DHX58: variants seen among roughly 807,000 people sequenced by gnomAD.
DHX58 encodes DExH-box helicase 58, also known as ATP-dependent RNA helicase DHX58.
In DHX58, 51 loss-of-function variants were observed where a neutral mutation model predicts 65.0. The observed-to-expected ratio is 0.78, with a 90% CI of 0.63 to 0.99. The LOEUF (loss-of-function observed/expected upper bound fraction) is 0.99, where lower values mean the gene tolerates loss of function less well. Among genes scored for constraint, DHX58 ranks in the 50% least tolerant of loss-of-function variants. The pLI is 0.00. For synonymous variants in DHX58, 350 were observed against 365.0 expected (o/e 0.96, Z 0.47); for missense variants, 773 against 891.8 (o/e 0.87, Z 1.70).
chr17:42,103,455 A>G, intron 12 of DHX58, 153 bp downstream of exon 12: 1 of 965,434 alleles, frequency 1.0e-6, no homozygotes, highest in Non-Finnish European at 1.5e-6. Flanking sequence ...TGCCTGTAAA[A>G]TGGAGACAGG....
At chr17:42,104,722 C>T in intron 11 of DHX58, 44 bp downstream of exon 11, 1 of 1,604,752 alleles carries the variant, frequency 6.2e-7, no homozygotes, top group African/African-American at 1.3e-5. Flanking sequence ...GAGGGGCTCC[C>T]TCCTCCCCAT....
rs147686786 is a variant in DHX58 at position 42,103,067 on chromosome 17, C to T, written c.1754+541G>A. On this transcript the variant is annotated intron_variant, in intron 12 of 13. Transcript: ENST00000251642. ...CCTCCCAAAGTGTTGGAATTACAGG[C>T]GTGAGCCACTGCACCTGGCCCTCCA... 685 of 156,330 alleles carry T rather than the reference C, an allele frequency of 4.4e-3. 4 individuals carry two copies. Among genetic ancestry groups the T allele is most frequent in the African/African-American group, 0.015 (631 of 41,590 alleles). 9.7% of individuals were successfully genotyped at this position (156,330 alleles called of 1,614,324 possible).
intron 5 of DHX58, among the ~76,000 whole-genome samples, chr17:42,110,085 G>T (rs1346058621): frequency 2.0e-5 from 3 of 151,738 alleles, no homozygotes. Flanking sequence ...TACTCGGGAG[G>T]CTGAGGCAGG....
rs1450785939 is a variant in DHX58, at chr17:42,107,691, C to CGGTGT, written c.909_910insACACC (p.Ala304ThrfsTer102). 1.3e-5 allele frequency: 21 copies of CGGTGT among 1,612,716 alleles called. No homozygotes were observed. The highest frequency in any genetic ancestry group is 6.7e-5 in the Admixed American group (4 of 59,840). On this transcript the variant is annotated frameshift_variant, in exon 8 of 14. Coordinates refer to ENST00000251642, the MANE Select transcript of DHX58 (RefSeq NM_024119.3). LOFTEE classifies it high-confidence loss of function. ...CTGTGATAGAAATCCTGCAGCGCAG[C>CGGTGT]CAAGGCATCCACGGCGCGGACGGTG...
Position 42,111,368 on chromosome 17 carries a change from GCAGGTC to G in DHX58, c.292_297del (p.Asp98_Leu99del). On this transcript the variant is annotated inframe_deletion, in exon 4 of 14. Transcript: ENST00000251642. Reference sequence around the variant, plus strand: ...TGCAGAAGCTCTGCTGTGCAGATGAGCAGGTCATGGCACCGGGCCAGGTGGCCAAAG... The same window carrying G: ...TGCAGAAGCTCTGCTGTGCAGATGAGATGGCACCGGGCCAGGTGGCCAAAG... 1.2e-6 allele frequency: 2 copies of G among 1,614,202 alleles called. No individual in the cohort carries two copies. The highest frequency in any genetic ancestry group is 1.7e-6 in the Non-Finnish European group (2 of 1,180,030).
Position 42,101,758 on chromosome 17 carries a change from T to G in DHX58, c.*3A>C. 6.2e-7 allele frequency: 1 copy of G among 1,613,576 alleles called. No homozygotes were observed. Among genetic ancestry groups the G allele is most frequent in the Non-Finnish European group, 8.5e-7 (1 of 1,179,784 alleles). On this transcript the variant is annotated 3_prime_UTR_variant, in exon 14 of 14. Coordinates refer to ENST00000251642, the MANE Select transcript of DHX58 (RefSeq NM_024119.3). ...CAAACCGGGCACTGCAGCAATGAGG[T>G]GGTCAGTCCAGGGAGAGGTCCGACA...
chr17:42,111,437 C>T lies in DHX58; in HGVS notation c.229G>A (p.Val77Met), dbSNP rs782211318. The T allele has an allele frequency of 3.7e-6, 6 of 1,614,194 alleles. No homozygotes were observed. Among genetic ancestry groups the T allele is most frequent in the East Asian group, 2.2e-5 (1 of 44,892 alleles). The change falls in exon 4 of 14, where the codon GTG becomes ATG. Residue 77 changes from valine to methionine, a missense_variant. Coordinates refer to ENST00000251642, the MANE Select transcript of DHX58 (RefSeq NM_024119.3). Reference sequence around the variant, plus strand: ...CCCATGTCCCCACTCAGGGTTGTCACGGTCCAGCGTCCATCCAGCATGCGC... The same window carrying T: ...CCCATGTCCCCACTCAGGGTTGTCATGGTCCAGCGTCCATCCAGCATGCGC... ...FRRMLDGRWT[V>M]TTLSGDMGPR... is the part of the protein sequence containing the mutation.
At chr17:42,112,237 G>T in intron 1 of DHX58, 32 bp from the exon 2 acceptor site, 1 of 212,478 alleles carries the variant, frequency 4.7e-6, no homozygotes, top group Non-Finnish European at 9.3e-6. Flanking sequence ...GCCGACTTAG[G>T]AATCTCCCAT....
intron 13 of DHX58, 43 bp downstream of exon 13, chr17:42,102,173 G>A: frequency 6.2e-7 from 1 of 1,604,316 alleles, no homozygotes; most frequent in Non-Finnish European, 8.5e-7. Context: ...CTGAAGACTG[G>A]GGCTGAGGAC....
At chr17:42,108,847 A>C (rs2158067) in intron 6 of DHX58, among the ~76,000 whole-genome samples, 30,904 of 152,046 alleles carry the variant, frequency 0.2, 4,606 homozygotes, top group African/African-American at 0.42. Flanking sequence ...CTGCTCACTC[A>C]CTCCCTCCCT....
At chr17:42,107,898 C>T in intron 7 of DHX58, 84 bp downstream of exon 7, 1 of 1,590,006 alleles carries the variant, frequency 6.3e-7, no homozygotes, top group Non-Finnish European at 8.6e-7. Context: ...GGATAGGCCC[C>T]GCCCCAAAGG....
At chr17:42,106,897 A>G (rs1803311163) in intron 8 of DHX58, among the ~76,000 whole-genome samples, 1 of 152,204 alleles carries the variant, frequency 6.6e-6, no homozygotes, top group Admixed American at 6.5e-5. Flanking sequence ...ACCTCAGACC[A>G]GAACCCTCTT....
rs531891551 is a variant in DHX58 at position 42,105,970 on chromosome 17, G to C, written c.1017C>G (p.Ala339=). Residue 339 remains alanine (A), a synonymous_variant, in exon 9 of 14, where the codon GCC becomes GCG. Transcript: ENST00000251642. ...TCTCTGGGCCATGAGTTGCCAAGTG[G>C]GCCAGCTCATTCTTGCGGTCTGTCA... is the stretch of plus-strand genomic sequence containing the variant. The part of the protein sequence containing the change: ...ALFDDRKNEL[A]HLATHGPENP... 1 of 1,613,258 alleles carries C rather than the reference G, an allele frequency of 6.2e-7. No individual in the cohort carries two copies. Among genetic ancestry groups the C allele is most frequent in the East Asian group, 2.2e-5 (1 of 44,846 alleles).
chr17:42,105,800 A>G lies in DHX58; in HGVS notation c.1187T>C (p.Val396Ala). 6.2e-7 allele frequency: 1 copy of G among 1,613,142 alleles called. No individual in the cohort carries two copies. Among genetic ancestry groups the G allele is most frequent in the Non-Finnish European group, 8.5e-7 (1 of 1,179,534 alleles). The change falls in exon 9 of 14, where the codon GTG becomes GCG. Residue 396 changes from valine to alanine, a missense_variant. By Grantham distance (64) the Val-to-Ala change is moderately conservative. Transcript: ENST00000251642. ...AATCAGTAGCTGGGCCCGGATGTCC[A>G]CAGTCTGCAGGCCCTGCTGCTGCTG... ...WLQQQQGLQT[V>A]DIRAQLLIGA...
At chr17:42,109,970 G>A (rs1373395820) in intron 5 of DHX58, among the ~76,000 whole-genome samples, 1 of 151,588 alleles carries the variant, frequency 6.6e-6, no homozygotes, top group Non-Finnish European at 1.5e-5. Flanking sequence ...GGTGAATCAC[G>A]AGGTCAGGAG....
At chr17:42,109,207 C>T in intron 6 of DHX58, 63 bp downstream of exon 6, 1 of 1,443,736 alleles carries the variant, frequency 6.9e-7, no homozygotes, top group Non-Finnish European at 9.5e-7. Context: ...AGTCAGGGCC[C>T]AAGCCTAGGT....
rs1555663996 is a variant in DHX58, at chr17:42,110,919, G to A, written c.371-6C>T. The A allele has an allele frequency of 6.3e-7, 1 of 1,595,808 alleles. No individual in the cohort carries two copies. The highest frequency in any genetic ancestry group is 8.6e-7 in the Non-Finnish European group (1 of 1,168,946). On this transcript the variant is annotated splice_polypyrimidine_tract_variant and splice_region_variant and intron_variant, in intron 4 of 13. Coordinates refer to ENST00000251642, the MANE Select transcript of DHX58 (RefSeq NM_024119.3). ...CACCACGATCAGGGAGAAGACTGAG[G>A]GCACAGGGGGGAAGGCTGTGACCTA...
chr17:42,105,663 G>A (rs2054045234), intron 9 of DHX58, 73 bp downstream of exon 9: 9 of 1,498,004 alleles, frequency 6.0e-6, no homozygotes, highest in Admixed American at 2.3e-5. Flanking sequence ...TCTCTGTGCT[G>A]AAGACCCTGT....
chr17:42,106,453 G>T, intron 8 of DHX58, among the ~76,000 whole-genome samples: 1 of 133,814 alleles, frequency 7.5e-6, no homozygotes, highest in African/African-American at 2.7e-5. Flanking sequence ...GGGGGTGGGG[G>T]AAGGATGGAA....
Sources: gnomAD v4.1 joint callset for allele counts (sites outside exome capture counted in the v4.1 genomes callset) on GRCh38, gnomAD v4.1.1 for gene constraint, MANE v1.5 for transcripts, NCBI Gene and HGNC (gene_info 2026-07-23, HGNC 2026-07-21) for gene names.